PDE4D: variants seen among roughly 807,000 people sequenced by gnomAD.
PDE4D encodes phosphodiesterase 4D.
In PDE4D, 24 loss-of-function variants were observed where a neutral mutation model predicts 87.4. The ratio of observed to expected loss-of-function variants is 0.27; its 90% confidence interval spans 0.20 to 0.39. The LOEUF is 0.39. Among genes scored for constraint, PDE4D ranks in the 10% least tolerant of loss-of-function variants. The pLI is 1.00. For synonymous variants in PDE4D, 384 were observed against 383.2 expected (o/e 1.00, Z -0.02); for missense variants, 714 against 1,041.0 (o/e 0.69, Z 4.32).
chr5:59,982,255 C>T (rs1238243661), intron 3 of PDE4D, among the ~76,000 whole-genome samples: 2 of 152,090 alleles, frequency 1.3e-5, no homozygotes, highest in East Asian at 3.9e-4. Flanking sequence ...GTAACATTCT[C>T]CACCCACCCA....
At chr5:60,112,851 G>A (rs1014867923) in intron 2 of PDE4D, among the ~76,000 whole-genome samples, 13 of 152,006 alleles carry the variant, frequency 8.6e-5, no homozygotes, top group African/African-American at 3.1e-4. Context: ...AAGAGAAGAA[G>A]GTAACTTTAT....
chr5:59,158,372 C>T (rs1248250469), intron 5 of PDE4D, among the ~76,000 whole-genome samples: 3 of 152,162 alleles, frequency 2.0e-5, no homozygotes, highest in Non-Finnish European at 4.4e-5. Flanking sequence ...ACAATCGAGT[C>T]CCTGAACATG....
intron 1 of PDE4D, among the ~76,000 whole-genome samples, chr5:60,289,897 C>G (rs1009455938): frequency 6.6e-6 from 1 of 152,124 alleles, no homozygotes; most frequent in African/African-American, 2.4e-5. Flanking sequence ...TTTGACAGCG[C>G]ATCTTTTACC....
chr5:59,701,553 C>A (rs909362446), intron 1 of PDE4D, among the ~76,000 whole-genome samples: 7 of 152,306 alleles, frequency 4.6e-5, no homozygotes, highest in African/African-American at 1.7e-4. Flanking sequence ...AATGTAAGCA[C>A]AATGGAGAAA....
At chr5:59,831,268 C>T (rs1027155794) in intron 1 of PDE4D, among the ~76,000 whole-genome samples, 1 of 128,462 alleles carries the variant, frequency 7.8e-6, no homozygotes, top group Non-Finnish European at 1.5e-5. Flanking sequence ...TTAGTACATG[C>T]AGATAGAATG....
chr5:59,464,046 C>T (rs1801165583), intron 1 of PDE4D, among the ~76,000 whole-genome samples: 1 of 152,198 alleles, frequency 6.6e-6, no homozygotes. Context: ...CATCACCACT[C>T]CCTAATCTCA....
At chr5:58,985,182 T>C (rs1259577403) in intron 11 of PDE4D, among the ~76,000 whole-genome samples, 1 of 152,188 alleles carries the variant, frequency 6.6e-6, no homozygotes, top group African/African-American at 2.4e-5. Context: ...CCCAAAGTGC[T>C]GGGATTATAG....
intron 3 of PDE4D, among the ~76,000 whole-genome samples, chr5:59,946,676 G>A (rs1044390436): frequency 6.6e-6 from 1 of 152,158 alleles, no homozygotes; most frequent in Non-Finnish European, 1.5e-5. Flanking sequence ...GGCTTATTTT[G>A]CAGAATATGT....
chr5:60,080,263 A>C (rs1013310436), intron 2 of PDE4D, among the ~76,000 whole-genome samples: 2 of 152,170 alleles, frequency 1.3e-5, no homozygotes. Flanking sequence ...ACTGCTTATC[A>C]GTTAAGAAAT....
intron 1 of PDE4D, among the ~76,000 whole-genome samples, chr5:59,813,902 G>A (rs908382390): frequency 2.0e-5 from 3 of 152,040 alleles, no homozygotes; most frequent in Non-Finnish European, 2.9e-5. Flanking sequence ...AGGCACAGCT[G>A]AAATACTTAA....
chr5:60,463,005 G>T (rs1459400334), intron 1 of PDE4D, among the ~76,000 whole-genome samples: 1 of 152,126 alleles, frequency 6.6e-6, no homozygotes, highest in African/African-American at 2.4e-5. Flanking sequence ...AAAAGGAGTA[G>T]AAAATAAGAA....
At chr5:59,838,089 TA>T (rs932678513) in intron 1 of PDE4D, among the ~76,000 whole-genome samples, 4 of 152,050 alleles carry the variant, frequency 2.6e-5, no homozygotes, top group African/African-American at 9.7e-5. Context: ...GTTTGACACT[TA>T]AAAAAACTAG....
At chr5:59,143,115 T>C (rs1282961382) in intron 5 of PDE4D, among the ~76,000 whole-genome samples, 1 of 151,814 alleles carries the variant, frequency 6.6e-6, no homozygotes, top group East Asian at 1.9e-4. Context: ...TTTCCTTCCT[T>C]CCTTCCTTCC....
intron 5 of PDE4D, among the ~76,000 whole-genome samples, chr5:59,084,528 C>CA (rs5868153): frequency 0.65 from 98,277 of 151,434 alleles, 32,026 homozygotes; most frequent in East Asian, 0.82. Context: ...GAATAAATGG[C>CA]AAAAAAGTGT....
intron 1 of PDE4D, among the ~76,000 whole-genome samples, chr5:59,289,415 A>T (rs747704133): frequency 1.3e-5 from 2 of 152,062 alleles, no homozygotes; most frequent in Non-Finnish European, 2.9e-5. Context: ...TTTTACTAAA[A>T]GGAAGACAGG....
chr5:60,253,296 G>A (rs534914314), intron 1 of PDE4D, among the ~76,000 whole-genome samples: 89 of 151,958 alleles, frequency 5.9e-4, no homozygotes, highest in African/African-American at 1.8e-3. Flanking sequence ...TCTTGACATA[G>A]GGTTCCACAA....
chr5:60,441,093 A>T (rs1459750213), intron 1 of PDE4D, among the ~76,000 whole-genome samples: 1 of 152,188 alleles, frequency 6.6e-6, no homozygotes, highest in African/African-American at 2.4e-5. Flanking sequence ...AGCCAGGAAA[A>T]GCATCTTTAT....
intron 5 of PDE4D, among the ~76,000 whole-genome samples, chr5:59,142,004 T>G (rs923114285): frequency 2.0e-5 from 3 of 152,150 alleles, no homozygotes; most frequent in African/African-American, 7.2e-5. Flanking sequence ...ACTTCCAAGT[T>G]GGGAACACAA....
At chr5:59,054,890 C>T (rs1210564312) in intron 5 of PDE4D, among the ~76,000 whole-genome samples, 1 of 152,130 alleles carries the variant, frequency 6.6e-6, no homozygotes, top group Non-Finnish European at 1.5e-5. Flanking sequence ...TTCCCTCTTC[C>T]TCCCTTTTTA....
Sources: gnomAD v4.1 joint callset for allele counts (sites outside exome capture counted in the v4.1 genomes callset) on GRCh38, gnomAD v4.1.1 for gene constraint, MANE v1.5 for transcripts, NCBI Gene and HGNC (gene_info 2026-07-23, HGNC 2026-07-21) for gene names.